HSPA12A: variants seen among roughly 807,000 people sequenced by gnomAD.
HSPA12A encodes heat shock protein family A (Hsp70) member 12A, also known as heat shock 70 kDa protein 12A.
Under a neutral mutation model 69.2 loss-of-function variants are expected in HSPA12A, and 28 were observed. The observed-to-expected ratio is 0.40, with a 90% confidence interval of 0.30 to 0.55. The LOEUF is 0.55. HSPA12A is among the 20% of genes least tolerant of loss of function. HSPA12A has a pLI of 0.38. For synonymous variants in HSPA12A, 345 were observed against 370.5 expected (o/e 0.93, Z 0.79); for missense variants, 686 against 900.7 (o/e 0.76, Z 3.05).
At chr10:116,840,790 G>A (rs1206276256) in intron 1 of HSPA12A, among the ~76,000 whole-genome samples, 1 of 148,678 alleles carries the variant, frequency 6.7e-6, no homozygotes, top group Non-Finnish European at 1.5e-5. Context: ...AAGTTTGTAA[G>A]ACTAGATAGA....
intron 5 of HSPA12A, among the ~76,000 whole-genome samples, chr10:116,697,742 T>C (rs1554881047): frequency 6.6e-6 from 1 of 152,052 alleles, no homozygotes; most frequent in East Asian, 1.9e-4. Context: ...GTTCAGTGGG[T>C]TTTCGTATAT....
intron 2 of HSPA12A, among the ~76,000 whole-genome samples, chr10:116,784,853 G>A (rs782094440): frequency 2.8e-4 from 43 of 152,094 alleles, no homozygotes; most frequent in African/African-American, 7.0e-4. Flanking sequence ...AGCCTGTAAC[G>A]CTAACCTCGG....
At chr10:116,839,857 G>T (rs553510996) in intron 1 of HSPA12A, among the ~76,000 whole-genome samples, 1 of 151,912 alleles carries the variant, frequency 6.6e-6, no homozygotes, top group African/African-American at 2.4e-5. Context: ...AGACGTGTGT[G>T]CAATGTTTGA....
At chr10:116,825,382 G>A (rs1006023969) in intron 2 of HSPA12A, among the ~76,000 whole-genome samples, 4 of 151,872 alleles carry the variant, frequency 2.6e-5, no homozygotes, top group South Asian at 2.1e-4. Context: ...ATGGTGGCTC[G>A]TGCCTGTAGT....
At chr10:116,774,593 G>A (rs996113202) in intron 2 of HSPA12A, among the ~76,000 whole-genome samples, 8 of 152,202 alleles carry the variant, frequency 5.3e-5, no homozygotes, top group African/African-American at 1.7e-4. Flanking sequence ...CTTCACAGAC[G>A]TGGCTCTGCT....
chr10:116,812,667 A>T (rs760100917), intron 2 of HSPA12A, among the ~76,000 whole-genome samples: 3 of 151,882 alleles, frequency 2.0e-5, no homozygotes, highest in Non-Finnish European at 4.4e-5. Context: ...CAAGGACAAA[A>T]ACCTCACAGC....
At chr10:116,724,216 G>C (rs1417644580) in intron 1 of HSPA12A, among the ~76,000 whole-genome samples, 2 of 152,212 alleles carry the variant, frequency 1.3e-5, no homozygotes, top group Non-Finnish European at 2.9e-5. Flanking sequence ...GAGATGAAGA[G>C]AGAACACGCA....
At chr10:116,776,374 T>C (rs1031148037) in intron 2 of HSPA12A, among the ~76,000 whole-genome samples, 7 of 152,258 alleles carry the variant, frequency 4.6e-5, no homozygotes, top group Non-Finnish European at 8.8e-5. Flanking sequence ...CTTTCTCCTC[T>C]GCCTTCCTGT....
intron 2 of HSPA12A, among the ~76,000 whole-genome samples, chr10:116,805,176 C>A (rs1486122408): frequency 6.6e-6 from 1 of 151,982 alleles, no homozygotes; most frequent in Non-Finnish European, 1.5e-5. Flanking sequence ...ATTAGCTGGG[C>A]GTGGTGGTGG....
chr10:116,684,865 G>A (rs1849529016), intron 6 of HSPA12A, among the ~76,000 whole-genome samples: 1 of 152,094 alleles, frequency 6.6e-6, no homozygotes, highest in African/African-American at 2.4e-5. Context: ...CACTCCTGTG[G>A]GCCTTCAGAA....
chr10:116,761,218 G>A lies in HSPA12A; in HGVS notation c.92-53933C>T, dbSNP rs373401678. On this transcript the variant is annotated intron_variant, in intron 2 of 12. Coordinates refer to the HSPA12A transcript ENST00000635765. ...TACAAACATTAGGCTGGGAGCGGTGGCTCATGCCTGTAATCCCAGCGCTTT... is the reference window on the plus strand; with the variant it reads ...TACAAACATTAGGCTGGGAGCGGTGACTCATGCCTGTAATCCCAGCGCTTT... 6.6e-5 allele frequency among the ~76,000 whole-genome samples: 10 copies of A among 152,210 alleles called. No individual in the cohort carries two copies. In the East Asian group the frequency reaches 9.7e-4, roughly 15 times the overall value.
intron 2 of HSPA12A, among the ~76,000 whole-genome samples, chr10:116,757,568 C>G (rs1843878346): frequency 6.6e-6 from 1 of 152,192 alleles, no homozygotes; most frequent in Non-Finnish European, 1.5e-5. Flanking sequence ...GCAAAATCAC[C>G]TGGAGACAGA....
At chr10:116,747,062 G>A (rs1851664417), upstream of HSPA12A, among the ~76,000 whole-genome samples, 1 of 152,214 alleles carries the variant, frequency 6.6e-6, no homozygotes, top group Admixed American at 6.5e-5. Context: ...ACCTCCAACT[G>A]TCAGTGCATT....
At chr10:116,738,373 T>G (rs1311494325) in intron 1 of HSPA12A, among the ~76,000 whole-genome samples, 1 of 152,062 alleles carries the variant, frequency 6.6e-6, no homozygotes, top group African/African-American at 2.4e-5. Context: ...ACTAGTGTCC[T>G]TAGTAAAAAA....
chr10:116,717,021 A>G (rs782594377), intron 1 of HSPA12A, among the ~76,000 whole-genome samples: 1 of 152,208 alleles, frequency 6.6e-6, no homozygotes, highest in Non-Finnish European at 1.5e-5. Context: ...CCAGCACTCT[A>G]TTGGGAAACC....
chr10:116,741,851 G>A (rs1554887208), intron 1 of HSPA12A, among the ~76,000 whole-genome samples: 1 of 152,212 alleles, frequency 6.6e-6, no homozygotes, highest in Non-Finnish European at 1.5e-5. Flanking sequence ...CCCTGGGGAT[G>A]GGCGGGGAGG....
At chr10:116,722,544 A>G (rs372877213) in intron 1 of HSPA12A, among the ~76,000 whole-genome samples, 1 of 152,116 alleles carries the variant, frequency 6.6e-6, no homozygotes, top group Non-Finnish European at 1.5e-5. Context: ...GACGGGTGGT[A>G]TGACCCAGAA....
At chr10:116,706,447 C>T (rs1457136093) in intron 2 of HSPA12A, among the ~76,000 whole-genome samples, 1 of 152,076 alleles carries the variant, frequency 6.6e-6, no homozygotes, top group Non-Finnish European at 1.5e-5. Context: ...CCCCAGGGTG[C>T]AGGACTTGCA....
rs782364297 is a variant in HSPA12A, at chr10:116,675,157, G to A, written c.1652C>T (p.Pro551Leu). 3.8e-5 allele frequency: 61 copies of A among 1,613,890 alleles called. No individual in the cohort carries two copies. In the Admixed American group the frequency reaches 7.3e-4, roughly 19 times the overall value. The change falls in exon 12 of 12, where the codon CCG becomes CTG. Residue 551 changes from proline to leucine, a missense_variant. Physicochemically the swap from Pro to Leu is moderately conservative, Grantham distance 98 (BLOSUM62 -3). Coordinates refer to ENST00000369209, the MANE Select transcript of HSPA12A (RefSeq NM_025015.3). The surrounding 1 kb of genome is among the most constrained non-coding windows in gnomAD (Gnocchi z 5.2). ...VLNRYVEGKH[P>L]PEKLLVKDGT... Reference sequence around the variant, plus strand: ...ATCCTTCACCAGCAGCTTCTCAGGCGGGTGCTTGCCCTCCACGTAGCGGTT... The same window carrying A: ...ATCCTTCACCAGCAGCTTCTCAGGCAGGTGCTTGCCCTCCACGTAGCGGTT...
Sources: allele counts gnomAD v4.1 joint callset (sites outside exome capture counted in the v4.1 genomes callset), GRCh38; gene constraint gnomAD v4.1.1; non-coding constraint Gnocchi (gnomAD v3.1); transcripts MANE v1.5; gene names NCBI Gene and HGNC (gene_info 2026-07-23, HGNC 2026-07-21).